CXADR: variants seen among roughly 807,000 people sequenced by gnomAD.
CXADR encodes the protein coxsackievirus and adenovirus receptor.
In CXADR, 20 loss-of-function variants were observed where a neutral mutation model predicts 40.3. That is an observed-to-expected ratio of 0.50 (90% CI 0.35 to 0.72). The LOEUF (loss-of-function observed/expected upper bound fraction) is 0.72, where lower values mean the gene tolerates loss of function less well. Ranked by LOEUF, CXADR falls within the 30% of genes least tolerant of loss-of-function variation. The probability of loss-of-function intolerance (pLI) is 0.01; values close to 1 mark genes in which losing one functional copy is unlikely to be tolerated. For missense variants in CXADR, 332 were observed against 449.1 expected (o/e 0.74, Z 2.36); for synonymous variants, 150 against 161.3 (o/e 0.93, Z 0.53).
Position 17,568,576 on chromosome 21 carries a change from A to G in CXADR, c.*2884A>G. On this transcript the variant is annotated 3_prime_UTR_variant, in exon 7 of 7. Coordinates refer to ENST00000284878, the MANE Select transcript of CXADR (RefSeq NM_001338.5). ...TCTGTACTTTTTTTTTTTTTTTTTA[A>G]GAGATAGGGTTTCACTATTGCTCAG... The G allele has an allele frequency of 5.2e-6, 5 of 953,162 alleles. No individual in the cohort carries two copies. The highest frequency in any genetic ancestry group is 6.2e-6 in the Non-Finnish European group (5 of 811,600). The allele number at this position is 953,162 out of a possible 1,614,324, so 59.0% of individuals were successfully genotyped here. A position where few individuals can be genotyped will look rare whatever the true frequency, so the allele number is the denominator to read the frequency against.
chr21:17,553,873 T>A (rs112167324), intron 3 of CXADR, among the ~76,000 whole-genome samples: 48 of 152,246 alleles, frequency 3.2e-4, no homozygotes, highest in African/African-American at 4.1e-4. Flanking sequence ...TGCCTTGGCC[T>A]CCCAAAGTGC....
At chr21:17,557,537 C>T (rs954341890) in intron 3 of CXADR, among the ~76,000 whole-genome samples, 5 of 152,168 alleles carry the variant, frequency 3.3e-5, no homozygotes, top group Admixed American at 2.0e-4. Flanking sequence ...CACACTTGCT[C>T]CTTGTCAGTT....
chr21:17,537,909 G>A (rs759536453), intron 1 of CXADR, among the ~76,000 whole-genome samples: 2 of 152,150 alleles, frequency 1.3e-5, no homozygotes, highest in Admixed American at 6.5e-5. Flanking sequence ...GTGCTAGTCC[G>A]AGGAGTAATT....
At chr21:17,612,349 G>A in the CXADR span, 1 of 152,268 alleles carries the variant, frequency 6.6e-6, no homozygotes, top group Non-Finnish European at 1.5e-5. Flanking sequence ...AAAAAACACC[G>A]ACGCGAAGGG....
intron 3 of CXADR, among the ~76,000 whole-genome samples, chr21:17,553,608 C>T (rs978710421): frequency 7.4e-6 from 1 of 134,922 alleles, no homozygotes; most frequent in Admixed American, 8.4e-5. Context: ...ACACCTGGTC[C>T]GAATTCTTTT....
chr21:17,534,079 C>CATATAT (rs1569091728), intron 1 of CXADR, among the ~76,000 whole-genome samples: 29 of 77,386 alleles, frequency 3.7e-4, no homozygotes, highest in African/African-American at 1.4e-3. Flanking sequence ...TACACACACA[C>CATATAT]ACATATATAT....
intron 1 of CXADR, among the ~76,000 whole-genome samples, chr21:17,534,602 T>G (rs1266361338): frequency 2.0e-5 from 3 of 152,116 alleles, no homozygotes; most frequent in African/African-American, 7.2e-5. Flanking sequence ...AGCATGGTGG[T>G]CACCTTTTTG....
At chr21:17,630,424 A>G in the CXADR span, among the ~76,000 whole-genome samples, 1 of 152,172 alleles carries the variant, frequency 6.6e-6, no homozygotes, top group East Asian at 1.9e-4. Flanking sequence ...CCTAAAAAAT[A>G]TGGTCTTTTA....
At chr21:17,553,683 A>G (rs1235259862) in intron 3 of CXADR, among the ~76,000 whole-genome samples, 1 of 146,814 alleles carries the variant, frequency 6.8e-6, no homozygotes, top group Non-Finnish European at 1.5e-5. Context: ...GTGCAGTGGC[A>G]TGATCTCGGC....
At chr21:17,589,328 G>A (rs2061418838) in intron 7 of CXADR, among the ~76,000 whole-genome samples, 1 of 151,930 alleles carries the variant, frequency 6.6e-6, no homozygotes, top group African/African-American at 2.4e-5. Context: ...CATACAATTT[G>A]ATTATCACTG....
chr21:17,629,590 A>C, the CXADR span, among the ~76,000 whole-genome samples: 3 of 151,982 alleles, frequency 2.0e-5, no homozygotes, highest in Admixed American at 2.0e-4. Context: ...AACAAAACCC[A>C]AAAAGAAGCA....
At chr21:17,619,134 T>A in the CXADR span, among the ~76,000 whole-genome samples, 1 of 152,216 alleles carries the variant, frequency 6.6e-6, no homozygotes, top group Non-Finnish European at 1.5e-5. Flanking sequence ...CAGAGAAGAT[T>A]TGGCATAATT....
downstream of CXADR, among the ~76,000 whole-genome samples, chr21:17,597,276 T>G (rs2061516087): frequency 6.6e-6 from 1 of 152,078 alleles, no homozygotes; most frequent in South Asian, 2.1e-4. Context: ...ATTTGAGACT[T>G]ACATTCTTGC....
At position 17,565,619 on chromosome 21, in the gene CXADR, C is replaced by G; in HGVS notation, c.1025C>G (p.Ala342Gly). Residue 342 changes from alanine to glycine, a missense_variant, in exon 7 of 7, where the codon GCC (alanine) becomes GGC (glycine). This residue lies in a region of CXADR where 150 missense variants were observed against 194.2 expected (regional missense o/e 0.77). Coordinates refer to ENST00000284878, the MANE Select transcript of CXADR (RefSeq NM_001338.5). ...SPTLPPAKVA[A>G]PNLSRMGAIP... ...ACTCTCCCACCTGCTAAGGTAGCTG[C>G]CCCTAATCTAAGTCGAATGGGTGCG... 6.2e-7 allele frequency: 1 copy of G among 1,612,624 alleles called. No homozygotes were observed. The highest frequency in any genetic ancestry group is 8.5e-7 in the Non-Finnish European group (1 of 1,179,852).
At chr21:17,593,280 G>C in exon 8 of CXADR, 1 of 1,177,552 alleles carries the variant, frequency 8.5e-7, no homozygotes. Context: ...TTTAAAAAAA[G>C]CACAAGGCAC....
the CXADR span, chr21:17,609,121 A>G: frequency 1.9e-6 from 3 of 1,609,602 alleles, no homozygotes; most frequent in African/African-American, 1.3e-5. Flanking sequence ...AAAAGAAGAC[A>G]ACGGCAGCAA....
In CXADR at chr21:17,566,755, A is replaced by T; in HGVS notation, c.*1063A>T. 1 of 965,936 alleles carries T rather than the reference A, an allele frequency of 1.0e-6. No homozygotes were observed. The highest frequency in any genetic ancestry group is 1.2e-6 in the Non-Finnish European group (1 of 812,380). The allele number at this position is 965,936 out of a possible 1,614,324, so 59.8% of individuals were successfully genotyped here. ...CTCTTGAATATAATCCCTGGATGAT[A>T]TTTTTTATCATAAATGCAGAATAAT... On this transcript the variant is annotated 3_prime_UTR_variant, in exon 7 of 7. Transcript: ENST00000284878.
At chr21:17,560,547 C>T (rs1240153832) in intron 4 of CXADR, among the ~76,000 whole-genome samples, 155 bp from the exon 5 acceptor site, 1 of 152,218 alleles carries the variant, frequency 6.6e-6, no homozygotes, top group Non-Finnish European at 1.5e-5. Context: ...ATTCTGGAAA[C>T]ATCTGTGTGG....
chr21:17,629,003 TGCTGGGCTAAATA>T, the CXADR span, among the ~76,000 whole-genome samples: 3 of 152,188 alleles, frequency 2.0e-5, no homozygotes, highest in Non-Finnish European at 1.5e-5. Context: ...CCCTGAATGA[TGCTGGGCTAAATA>T]GTTGGGCATC....
Sources: allele counts gnomAD v4.1 joint callset (sites outside exome capture counted in the v4.1 genomes callset), GRCh38; gene constraint gnomAD v4.1.1; regional missense constraint gnomAD v4.1.1; transcripts MANE v1.5; gene names NCBI Gene and HGNC (gene_info 2026-07-23, HGNC 2026-07-21).